Variants in IGFN1 observed in about 807,000 individuals in gnomAD.
IGFN1 encodes the protein immunoglobulin-like and fibronectin type III domain-containing protein 1.
A neutral mutation model predicts 289.5 loss-of-function variants in IGFN1; 253 were observed. That is an observed-to-expected ratio of 0.87 (90% CI 0.79 to 0.97). The LOEUF is 0.97. Ranked by LOEUF, IGFN1 falls within the 50% of genes least tolerant of loss-of-function variation. The pLI is 0.00. For missense variants in IGFN1, 4,470 were observed against 4,686.1 expected, an observed-to-expected ratio of 0.95 and a Z score of 1.35; for synonymous variants, 1,706 against 1,788.5, an observed-to-expected ratio of 0.95 and a Z score of 1.16.
At chr1:201,196,698 C>T (rs1666936437) in intron 4 of IGFN1, among the ~76,000 whole-genome samples, 1 of 152,070 alleles carries the variant, frequency 6.6e-6, no homozygotes, top group Non-Finnish European at 1.5e-5. Context: ...TAGTGCCTGG[C>T]CTATAGTGAG....
intron 4 of IGFN1, 122 bp downstream of exon 4, chr1:201,196,100 C>T: frequency 1.0e-6 from 1 of 968,940 alleles, no homozygotes; most frequent in Non-Finnish European, 1.5e-6. Context: ...AGGTTGAATC[C>T]ATTCAACTCC....
At position 201,227,046 on chromosome 1, in the gene IGFN1, G is replaced by T; in HGVS notation, c.10951G>T (p.Asp3651Tyr). The T allele has an allele frequency of 6.2e-7, 1 of 1,613,670 alleles. No homozygotes were observed. Among genetic ancestry groups the T allele is most frequent in the South Asian group, 1.1e-5 (1 of 91,078 alleles). Reference sequence around the variant, plus strand: ...GCCCCACGTCACCTGGTTCAAGAATGACCGCAGCCTGGAAGGAAACCCCGC... The same window carrying T: ...GCCCCACGTCACCTGGTTCAAGAATTACCGCAGCCTGGAAGGAAACCCCGC... ...PRPHVTWFKN[D>Y]RSLEGNPAVY... Residue 3651 changes from aspartate to tyrosine, a missense_variant, in exon 23 of 24, where the codon GAC becomes TAC. Around this residue, in one of 8 missense-constraint regions of IGFN1, gnomAD observed 2,218 missense variants for 2,114.1 expected, o/e 1.05. Transcript: ENST00000335211.
At chr1:201,202,741 C>T (rs1186625902) in intron 9 of IGFN1, among the ~76,000 whole-genome samples, 1 of 117,882 alleles carries the variant, frequency 8.5e-6, no homozygotes, top group Non-Finnish European at 1.8e-5. Flanking sequence ...CCCTCCCTCC[C>T]TCCCTCCCTC....
At position 201,206,400 on chromosome 1, in the gene IGFN1, C is replaced by T. The variant is rs1008241108; in HGVS notation, c.1507C>T (p.Pro503Ser). Reference sequence around the variant, plus strand: ...AGCAGAGGGAAGCAGAGCCACTCTTCCCAGGGAAAATCAATCCCACAGAGA... The same window carrying T: ...AGCAGAGGGAAGCAGAGCCACTCTTTCCAGGGAAAATCAATCCCACAGAGA... ...PVAEGSRATL[P>S]RENQSHREGG... The change falls in exon 12 of 24, where the codon CCC (proline) becomes TCC (serine). Residue 503 changes from proline to serine, a missense_variant. By Grantham distance (74) the Pro-to-Ser change is moderately conservative. Coordinates refer to ENST00000335211, the MANE Select transcript of IGFN1 (RefSeq NM_001164586.2). 1.2e-5 allele frequency: 19 copies of T among 1,550,780 alleles called. No individual in the cohort carries two copies. The highest frequency in any genetic ancestry group is 1.5e-5 in the Non-Finnish European group (17 of 1,147,002).
rs1489095230 is a variant in IGFN1, at chr1:201,211,498, G to A, written c.6605G>A (p.Gly2202Asp). ...SKAGFRDGLG[G>D]SEEMGSVNKA... ...GCAGGTTTCAGGGATGGTTTAGGGG[G>A]TTCTGAAGAAATGGGGTCAGTGAAT... is the stretch of plus-strand genomic sequence containing the variant. Residue 2202 changes from glycine (G) to aspartate (D), a missense_variant, in exon 12 of 24, where the codon GGT (glycine) becomes GAT (aspartate). This residue lies in a region of IGFN1 where 2,218 missense variants were observed against 2,114.1 expected (regional missense o/e 1.05). Coordinates refer to ENST00000335211, the MANE Select transcript of IGFN1 (RefSeq NM_001164586.2). The A allele has an allele frequency of 4.7e-6, 7 of 1,502,748 alleles. No homozygotes were observed. The highest frequency in any genetic ancestry group is 1.4e-5 in the African/African-American group (1 of 71,128). The allele number at this position is 1,502,748 out of a possible 1,614,324, so 93.1% of individuals were successfully genotyped here. A position where few individuals can be genotyped will look rare whatever the true frequency, so the allele number is the denominator to read the frequency against.
Position 201,217,352 on chromosome 1 carries a change from T to C in IGFN1, c.9661T>C (p.Trp3221Arg). 1 of 1,614,166 alleles carries C rather than the reference T, an allele frequency of 6.2e-7. No homozygotes were observed. The highest frequency in any genetic ancestry group is 1.1e-5 in the South Asian group (1 of 91,074). ...SASSQGITLT[W>R]TAPRGPGSAH... is the part of the protein sequence containing the mutation. ...CTCCAGCCAGGGCATCACACTGACA[T>C]GGACAGCACCTCGGGGCCCCGGCAG... is the stretch of plus-strand genomic sequence containing the variant. The change falls in exon 17 of 24, where the codon TGG (tryptophan) becomes CGG (arginine). Residue 3221 changes from tryptophan (W) to arginine (R), a missense_variant. Trp to Arg is a moderately radical substitution (Grantham distance 101). Around this residue, in one of 8 missense-constraint regions of IGFN1, gnomAD observed 2,218 missense variants for 2,114.1 expected, o/e 1.05. Transcript: ENST00000335211.
At chr1:201,200,917 C>T (rs972698332) in intron 8 of IGFN1, among the ~76,000 whole-genome samples, 8 of 151,272 alleles carry the variant, frequency 5.3e-5, no homozygotes, top group East Asian at 1.9e-4. Flanking sequence ...CTGCAAGCTC[C>T]GCCTCCCAGG....
chr1:201,226,262 C>A, intron 22 of IGFN1, 139 bp downstream of exon 22: 1 of 989,068 alleles, frequency 1.0e-6, no homozygotes, highest in Non-Finnish European at 1.4e-6. Context: ...TAACAGCCAG[C>A]AGCCCCGAGC....
rs1169745520 is a variant in IGFN1 at position 201,211,196 on chromosome 1, G to A, written c.6303G>A (p.Met2101Ile). 6 of 1,533,302 alleles carry A rather than the reference G, an allele frequency of 3.9e-6. No homozygotes were observed. In the South Asian group the frequency reaches 6.0e-5, roughly 15 times the overall value. The allele number at this position is 1,533,302 out of a possible 1,614,324, so 95.0% of individuals were successfully genotyped here. Reference protein sequence around the residue: ...GLGGSEEMESMDEAGYRKDLG... With the variant: ...GLGGSEEMESIDEAGYRKDLG... ...GGGGTTCTGAAGAAATGGAGTCAAT[G>A]GATGAGGCAGGTTATAGGAAGGATT... Residue 2101 changes from methionine to isoleucine, a missense_variant, in exon 12 of 24, where the codon ATG becomes ATA. Met to Ile is a conservative substitution (Grantham distance 10, BLOSUM62 1). Transcript: ENST00000335211.
intron 9 of IGFN1, 75 bp from the exon 10 acceptor site, chr1:201,203,663 T>C (rs776427074): frequency 1.9e-5 from 27 of 1,407,786 alleles, no homozygotes; most frequent in East Asian, 1.2e-4. Context: ...CTGCTGGTTA[T>C]AGCCAGAATG....
chr1:201,225,569 G>C lies in IGFN1; in HGVS notation c.10487-255G>C, dbSNP rs1654023746. The stretch of plus-strand genomic sequence containing the variant: ...GATCGTGCCACTGCACTCCAGCCTG[G>C]GTGACAGAGCCAGACTCCGTCTCAA... On this transcript the variant is annotated intron_variant, in intron 21 of 23. Coordinates refer to ENST00000335211, the MANE Select transcript of IGFN1 (RefSeq NM_001164586.2). Among the ~76,000 whole-genome samples the C allele has an allele frequency of 1.3e-5, 2 of 152,206 alleles. 1 individual carries two copies. Among genetic ancestry groups the C allele is most frequent in the South Asian group, 4.1e-4 (2 of 4,828 alleles).
rs772053968 is a variant in IGFN1, at chr1:201,208,270, G to A, written c.3377G>A (p.Gly1126Asp). The A allele has an allele frequency of 2.0e-6, 3 of 1,535,750 alleles. No homozygotes were observed. Among genetic ancestry groups the A allele is most frequent in the African/African-American group, 1.4e-5 (1 of 73,050 alleles). Residue 1126 changes from glycine (G) to aspartate (D), a missense_variant, in exon 12 of 24, where the codon GGC becomes GAC. Around this residue, in one of 8 missense-constraint regions of IGFN1, gnomAD observed 2,011 missense variants for 1,953.4 expected, o/e 1.03. Transcript: ENST00000335211. ...RPWGQTGNYG[G>D]FRASEALGAF... ...TGGGGTCAGACTGGAAATTATGGGG[G>A]CTTCAGAGCCTCAGAGGCCCTGGGG... is the stretch of plus-strand genomic sequence containing the variant.
intron 4 of IGFN1, 41 bp from the exon 5 acceptor site, chr1:201,197,177 G>T: frequency 4.9e-6 from 6 of 1,228,396 alleles, no homozygotes; most frequent in Non-Finnish European, 7.0e-6. Flanking sequence ...GGAGGAAGGG[G>T]ATGTGGTAGC....
chr1:201,228,272 C>G (rs1236425524), intron 23 of IGFN1, 114 bp from the exon 24 acceptor site: 2 of 1,087,018 alleles, frequency 1.8e-6, no homozygotes. Context: ...ACCCACACCC[C>G]CTGATGGCAG....
chr1:201,199,765 G>A (rs1413869250), intron 7 of IGFN1, 111 bp downstream of exon 7: 2 of 867,008 alleles, frequency 2.3e-6, no homozygotes, highest in Non-Finnish European at 3.6e-6. Context: ...ACACAGCAGG[G>A]AGCTAGACTG....
rs1416316436 is a variant in IGFN1 at position 201,212,025 on chromosome 1, G to T, written c.7132G>T (p.Ala2378Ser). 3 of 1,536,156 alleles carry T rather than the reference G, an allele frequency of 2.0e-6. No homozygotes were observed. The Admixed American group carries it at 5.9e-5, about 30-fold the overall frequency. ...PGSLAGIGHE[A>S]GPRGHKAMGH... ...CTCACTGGCTGGAATAGGACATGAG[G>T]CTGGACCCAGAGGCCATAAAGCCAT... Residue 2378 changes from alanine to serine, a missense_variant, in exon 12 of 24, where the codon GCT becomes TCT. By Grantham distance (99) the Ala-to-Ser change is moderately conservative. This residue lies in a region of IGFN1 where 2,218 missense variants were observed against 2,114.1 expected (regional missense o/e 1.05). Transcript: ENST00000335211.
At chr1:201,199,410 G>T (rs1161890806) in intron 6 of IGFN1, 32 bp downstream of exon 6, 8 of 1,546,140 alleles carry the variant, frequency 5.2e-6, no homozygotes, top group Admixed American at 2.0e-5. Flanking sequence ...CTCCTTGGGG[G>T]CCTGTGGGGG....
intron 1 of IGFN1, 45 bp downstream of exon 1, chr1:201,190,952 G>A (rs1666631664): frequency 6.6e-6 from 1 of 152,200 alleles, no homozygotes; most frequent in Non-Finnish European, 1.5e-5. Flanking sequence ...GCCAGGGTAG[G>A]GCCAGGATGG....
At position 201,205,064 on chromosome 1, in the gene IGFN1, T is replaced by C. The variant is rs1000805061; in HGVS notation, c.917-18T>C. On this transcript the variant is annotated intron_variant, in intron 10 of 23. Coordinates refer to ENST00000335211, the MANE Select transcript of IGFN1 (RefSeq NM_001164586.2). The stretch of plus-strand genomic sequence containing the variant: ...TCATACCATCAAGCTGATATCCCCA[T>C]TCCTATTTCCCCGGCAGCCATCCCC... 16 of 1,530,156 alleles carry C rather than the reference T, an allele frequency of 1.0e-5. No individual in the cohort carries two copies. The highest frequency in any genetic ancestry group is 1.7e-4 in the Middle Eastern group (1 of 5,924). The allele number at this position is 1,530,156 out of a possible 1,614,324, so 94.8% of individuals were successfully genotyped here.
Sources: allele counts gnomAD v4.1 joint callset (sites outside exome capture counted in the v4.1 genomes callset), GRCh38; gene constraint gnomAD v4.1.1; regional missense constraint gnomAD v4.1.1; transcripts MANE v1.5; gene names NCBI Gene and HGNC (gene_info 2026-07-23, HGNC 2026-07-21).